LONP2: variants seen among roughly 807,000 people sequenced by gnomAD.
LONP2 encodes the protein lon peptidase 2, peroxisomal.
A neutral mutation model predicts 85.6 loss-of-function variants in LONP2; 60 were observed. The ratio of observed to expected loss-of-function variants is 0.70; its 90% CI spans 0.57 to 0.87. LONP2 has a LOEUF of 0.87. LONP2 is among the 40% of genes least tolerant of loss of function. The probability of loss-of-function intolerance (pLI) is 0.00; values close to 1 mark genes in which losing one functional copy is unlikely to be tolerated. For missense variants in LONP2, 860 were observed against 1,063.5 expected (o/e 0.81, Z 2.66); for synonymous variants, 395 against 389.7 (o/e 1.01, Z -0.16).
intron 1 of LONP2, among the ~76,000 whole-genome samples, chr16:48,245,611 A>G (rs1173630732): frequency 2.9e-4 from 44 of 152,164 alleles, no homozygotes; most frequent in Admixed American, 2.9e-3. Context: ...CCTCCGTCCC[A>G]GGGAAACCAG....
At chr16:48,333,104 A>G (rs1320896724) in intron 11 of LONP2, among the ~76,000 whole-genome samples, 4 of 152,236 alleles carry the variant, frequency 2.6e-5, no homozygotes, top group Non-Finnish European at 5.9e-5. Flanking sequence ...AATGAGATCG[A>G]ATACAGCCAA....
rs373331968 is a variant in LONP2, at chr16:48,285,399, G to A, written c.1383+7920G>A. Among the ~76,000 whole-genome samples, 235 of 152,042 alleles carry A rather than the reference G, an allele frequency of 1.5e-3. 6 individuals carry two copies. The South Asian group carries it at 0.047, about 31-fold the overall frequency. On this transcript the variant is annotated intron_variant, in intron 8 of 14. Transcript: ENST00000285737. The stretch of plus-strand genomic sequence containing the variant: ...TTTTCATCAAATTTGAGAAGTATGT[G>A]GCCAGTATTTCTTCAAATATTCTTT...
chr16:48,354,452 G>A lies in LONP2; in HGVS notation c.*2650G>A, dbSNP rs1412945779. 2 of 151,694 alleles carry A rather than the reference G, an allele frequency of 1.3e-5. No homozygotes were observed. The highest frequency in any genetic ancestry group is 2.9e-5 in the Non-Finnish European group (2 of 67,990). The allele number at this position is 151,694 out of a possible 1,614,324, so 9.4% of individuals were successfully genotyped here. On this transcript the variant is annotated 3_prime_UTR_variant, in exon 15 of 15. Coordinates refer to ENST00000285737, the MANE Select transcript of LONP2 (RefSeq NM_031490.5). ...TCAAACTCCCAACCTCAAATGATCC[G>A]GCCACCTTGGCCTCCCAAAATGCTG...
At chr16:48,336,450 C>T (rs1231276469) in intron 12 of LONP2, 1 of 456,102 alleles carries the variant, frequency 2.2e-6, no homozygotes, top group South Asian at 1.5e-5. Context: ...GAGAGACCAC[C>T]AAACAGGCTT....
Position 48,252,212 on chromosome 16 carries a change from A to G in LONP2, c.315A>G (p.Leu105=), listed in dbSNP as rs775781139. ...KPHYTLLITG[L]CRFQIVQVLK... The stretch of plus-strand genomic sequence containing the variant: ...ACTACACTCTGTTGATTACAGGCCT[A>G]TGCCGTTTCCAGATTGTACAGGTCT... The change falls in exon 2 of 15, where the codon CTA becomes CTG. Residue 105 remains leucine (L), a synonymous_variant. Transcript: ENST00000285737. The G allele has an allele frequency of 5.6e-6, 9 of 1,614,072 alleles. No individual in the cohort carries two copies. Among genetic ancestry groups the G allele is most frequent in the African/African-American group, 2.7e-5 (2 of 74,952 alleles).
chr16:48,332,079 G>A (rs1416755777), intron 11 of LONP2, among the ~76,000 whole-genome samples: 1 of 152,268 alleles, frequency 6.6e-6, no homozygotes, highest in East Asian at 1.9e-4. Flanking sequence ...TCACCCAGAA[G>A]TTCACAGTGG....
chr16:48,267,687 C>T (rs1234513396), intron 6 of LONP2, among the ~76,000 whole-genome samples: 1 of 152,138 alleles, frequency 6.6e-6, no homozygotes, highest in Non-Finnish European at 1.5e-5. Flanking sequence ...GTGATCTCAG[C>T]TCACTGCAAC....
chr16:48,260,865 G>A (rs1444627334), intron 4 of LONP2, among the ~76,000 whole-genome samples: 2 of 152,202 alleles, frequency 1.3e-5, no homozygotes, highest in East Asian at 1.9e-4. Flanking sequence ...ATAGCCACTT[G>A]CTGGAGAAGC....
At chr16:48,295,940 A>C (rs996429747) in intron 8 of LONP2, 75 bp from the exon 9 acceptor site, 4 of 1,375,646 alleles carry the variant, frequency 2.9e-6, no homozygotes, top group African/African-American at 1.5e-5. Flanking sequence ...CCAGTACATC[A>C]TGTGTGTTTT....
rs188267684 is a variant in LONP2 at position 48,321,506 on chromosome 16, G to A, written c.1796-12710G>A. 1.4e-4 allele frequency among the ~76,000 whole-genome samples: 21 copies of A among 152,250 alleles called. No individual in the cohort carries two copies. In the East Asian group the frequency reaches 2.7e-3, roughly 20 times the overall value. On this transcript the variant is annotated intron_variant, in intron 11 of 14. Coordinates refer to ENST00000285737, the MANE Select transcript of LONP2 (RefSeq NM_031490.5). ...TAGCATTTACTGAATAGTCATATGC[G>A]TTGCTTAATGATGGGGATAATGTTC...
At chr16:48,318,380 G>A (rs761201088) in intron 11 of LONP2, among the ~76,000 whole-genome samples, 6 of 151,996 alleles carry the variant, frequency 3.9e-5, no homozygotes, top group Non-Finnish European at 8.8e-5. Context: ...TTAGCTGGGC[G>A]TGGTGGCACA....
chr16:48,254,403 G>T (rs967358918), intron 2 of LONP2, among the ~76,000 whole-genome samples: 3 of 141,512 alleles, frequency 2.1e-5, no homozygotes, highest in Admixed American at 7.3e-5. Context: ...TTGCCCTGTT[G>T]CCCAGGCTGG....
chr16:48,260,995 G>A (rs924614488), intron 4 of LONP2, among the ~76,000 whole-genome samples: 5 of 152,334 alleles, frequency 3.3e-5, no homozygotes, highest in Middle Eastern at 3.4e-3. Context: ...GTGGTGGAAA[G>A]GTTGAAGATG....
chr16:48,295,490 C>T (rs1972650016), intron 8 of LONP2, among the ~76,000 whole-genome samples: 1 of 152,170 alleles, frequency 6.6e-6, no homozygotes, highest in African/African-American at 2.4e-5. Flanking sequence ...AATTTTTACT[C>T]TTATTTAACT....
downstream of LONP2, among the ~76,000 whole-genome samples, chr16:48,359,249 C>G (rs937183873): frequency 2.0e-5 from 3 of 152,170 alleles, no homozygotes; most frequent in Non-Finnish European, 2.9e-5. Flanking sequence ...CAGGTATGAG[C>G]CACAGCGTCC....
At chr16:48,273,488 G>A (rs1972145923) in intron 7 of LONP2, among the ~76,000 whole-genome samples, 1 of 152,108 alleles carries the variant, frequency 6.6e-6, no homozygotes, top group Non-Finnish European at 1.5e-5. Flanking sequence ...TAGCTTAAAG[G>A]AAGAATAATG....
At chr16:48,361,202 GA>G (rs1175118957), downstream of LONP2, 9 of 204,476 alleles carry the variant, frequency 4.4e-5, no homozygotes, top group Non-Finnish European at 7.1e-5. Context: ...TCAGTTAAAG[GA>G]AAAAAACCCA....
intron 8 of LONP2, among the ~76,000 whole-genome samples, chr16:48,287,277 A>G (rs1211284267): frequency 6.6e-6 from 1 of 152,238 alleles, no homozygotes; most frequent in African/African-American, 2.4e-5. Flanking sequence ...TTTCCTGGAT[A>G]TACTTAGAGC....
downstream of LONP2, among the ~76,000 whole-genome samples, chr16:48,358,030 T>C (rs924684038): frequency 6.6e-6 from 1 of 152,168 alleles, no homozygotes; most frequent in East Asian, 1.9e-4. Context: ...ATGGAGGAAG[T>C]CTTCGTTATA....
Sources: allele counts gnomAD v4.1 joint callset (sites outside exome capture counted in the v4.1 genomes callset), GRCh38; gene constraint gnomAD v4.1.1; transcripts MANE v1.5; gene names NCBI Gene and HGNC (gene_info 2026-07-23, HGNC 2026-07-21).